Variants in RIMS2 observed in about 807,000 individuals in gnomAD.
RIMS2 encodes the protein regulating synaptic membrane exocytosis 2, also known as regulating synaptic membrane exocytosis protein 2.
In RIMS2, 59 loss-of-function variants were observed where a neutral mutation model predicts 174.4. The ratio of observed to expected loss-of-function variants is 0.34; its 90% CI spans 0.27 to 0.42. The LOEUF (loss-of-function observed/expected upper bound fraction) is 0.42. RIMS2 is among the 10% of genes least tolerant of loss of function. The pLI is 1.00. For missense variants in RIMS2, 1,620 were observed against 1,666.3 expected (o/e 0.97, Z 0.48); for synonymous variants, 606 against 572.5 (o/e 1.06, Z -0.84).
chr8:103,681,743 A>G (rs1285506304), intron 1 of RIMS2, among the ~76,000 whole-genome samples: 1 of 152,128 alleles, frequency 6.6e-6, no homozygotes, highest in Non-Finnish European at 1.5e-5. Flanking sequence ...CTTAAGAACA[A>G]TTAGCAGTGA....
chr8:103,725,424 C>T (rs1289730235), intron 2 of RIMS2, among the ~76,000 whole-genome samples: 1 of 152,206 alleles, frequency 6.6e-6, no homozygotes, highest in Non-Finnish European at 1.5e-5. Context: ...AATCACCCTT[C>T]TGACCTTATT....
At chr8:104,036,604 C>A (rs2096523726) in intron 19 of RIMS2, among the ~76,000 whole-genome samples, 1 of 151,950 alleles carries the variant, frequency 6.6e-6, no homozygotes, top group Non-Finnish European at 1.5e-5. Flanking sequence ...TTAGGCTGGG[C>A]ACAAGAGCTC....
At chr8:104,005,450 G>A (rs2095539890) in intron 17 of RIMS2, among the ~76,000 whole-genome samples, 2 of 151,760 alleles carry the variant, frequency 1.3e-5, no homozygotes, top group African/African-American at 4.8e-5. Context: ...TGTTATTTAA[G>A]GCAAGAATAT....
chr8:104,135,434 A>G (rs1425212306), intron 19 of RIMS2, among the ~76,000 whole-genome samples: 3 of 151,870 alleles, frequency 2.0e-5, no homozygotes, highest in Admixed American at 1.3e-4. Flanking sequence ...CTTGATCTCT[A>G]CAAAAAGGAG....
At chr8:104,022,797 A>G (rs2096138783) in intron 19 of RIMS2, among the ~76,000 whole-genome samples, 1 of 152,214 alleles carries the variant, frequency 6.6e-6, no homozygotes, top group Admixed American at 6.5e-5. Context: ...ACACACACTT[A>G]TAAATTTGTT....
intron 3 of RIMS2, among the ~76,000 whole-genome samples, chr8:103,859,556 A>T (rs2099047660): frequency 6.6e-6 from 1 of 152,100 alleles, no homozygotes; most frequent in Admixed American, 6.6e-5. Flanking sequence ...CAACACAGAA[A>T]AAGATAATTG....
chr8:103,733,916 T>C (rs2097646374), intron 2 of RIMS2, among the ~76,000 whole-genome samples: 1 of 152,090 alleles, frequency 6.6e-6, no homozygotes, highest in African/African-American at 2.4e-5. Flanking sequence ...ATGATCGTGT[T>C]TTTTGTGTGG....
At chr8:103,538,525 CT>C (rs200091574) in intron 1 of RIMS2, among the ~76,000 whole-genome samples, 1 of 143,920 alleles carries the variant, frequency 6.9e-6, no homozygotes, top group Non-Finnish European at 1.5e-5. Flanking sequence ...TTGTATCATT[CT>C]TTTTTTTGGA....
At chr8:103,796,593 A>T (rs903887847) in intron 3 of RIMS2, among the ~76,000 whole-genome samples, 1 of 152,090 alleles carries the variant, frequency 6.6e-6, no homozygotes, top group Non-Finnish European at 1.5e-5. Context: ...ATTTTTAAAA[A>T]TCTTTCCTTC....
exon 2 of RIMS2, chr8:103,697,159 G>C (rs1316902942): frequency 6.2e-7 from 1 of 1,613,648 alleles, no homozygotes; most frequent in Admixed American, 1.7e-5. Flanking sequence ...GCAACAGCAA[G>C]AACAGAAGGG....
chr8:104,017,630 C>T (rs2095957478), intron 19 of RIMS2, among the ~76,000 whole-genome samples: 1 of 151,712 alleles, frequency 6.6e-6, no homozygotes, highest in South Asian at 2.1e-4. Flanking sequence ...AGTATTTTGC[C>T]TACTTTACCC....
rs1221997648 is a variant in RIMS2, at chr8:104,164,125, A to G, written c.3335-80791A>G. 2.0e-5 allele frequency among the ~76,000 whole-genome samples: 3 copies of G among 152,148 alleles called. No individual in the cohort carries two copies. In the South Asian group the frequency reaches 6.2e-4, roughly 32 times the overall value. On this transcript the variant is annotated intron_variant, in intron 19 of 23. Transcript: ENST00000504942. ...GTCCCATTGACATTTGAAGTATCTC[A>G]ATTTCTTGTCTCTTTTTGTCTTCCT...
intron 19 of RIMS2, among the ~76,000 whole-genome samples, chr8:104,100,915 T>C (rs1054396844): frequency 7.4e-6 from 1 of 135,140 alleles, no homozygotes; most frequent in Non-Finnish European, 1.5e-5. Context: ...TTATATGTAA[T>C]ATATTATATA....
chr8:103,527,757 A>G (rs1459822251), intron 1 of RIMS2, among the ~76,000 whole-genome samples: 1 of 152,186 alleles, frequency 6.6e-6, no homozygotes, highest in Non-Finnish European at 1.5e-5. Context: ...TCCATGATGT[A>G]TATGTGCCAC....
intron 1 of RIMS2, among the ~76,000 whole-genome samples, chr8:103,551,211 G>C (rs34579655): frequency 1.3e-5 from 2 of 151,990 alleles, no homozygotes; most frequent in African/African-American, 2.4e-5. Context: ...TACAATACTG[G>C]CAAACTGAAT....
chr8:104,037,474 T>A (rs916080109), intron 19 of RIMS2, among the ~76,000 whole-genome samples: 15 of 152,218 alleles, frequency 9.9e-5, no homozygotes, highest in African/African-American at 3.4e-4. Context: ...ACCAAGTGTA[T>A]GCCTGTTGTA....
intron 1 of RIMS2, among the ~76,000 whole-genome samples, chr8:103,552,148 A>G (rs117436056): frequency 0.065 from 9,943 of 152,208 alleles, 399 homozygotes; most frequent in South Asian, 0.088. Flanking sequence ...TGGCAAGAAT[A>G]TCCTAAGCCA....
At chr8:104,229,229 T>A (rs1460271866) in intron 19 of RIMS2, among the ~76,000 whole-genome samples, 1 of 152,198 alleles carries the variant, frequency 6.6e-6, no homozygotes, top group East Asian at 1.9e-4. Context: ...CCAAGGACTG[T>A]GTTTTAATGT....
At chr8:103,919,508 C>T (rs2077208227) in intron 9 of RIMS2, among the ~76,000 whole-genome samples, 1 of 151,118 alleles carries the variant, frequency 6.6e-6, no homozygotes, top group African/African-American at 2.4e-5. Flanking sequence ...AATCTGGCTA[C>T]TAGATTGCAA....
Sources: allele counts gnomAD v4.1 joint callset (sites outside exome capture counted in the v4.1 genomes callset), GRCh38; gene constraint gnomAD v4.1.1; transcripts MANE v1.5; gene names NCBI Gene and HGNC (gene_info 2026-07-23, HGNC 2026-07-21).